Variants in ACACA observed in about 807,000 individuals in gnomAD.
ACACA encodes the protein acetyl-CoA carboxylase alpha.
A neutral mutation model predicts 296.1 loss-of-function variants in ACACA; 103 were observed. That is an observed-to-expected ratio of 0.35 (90% CI 0.30 to 0.41). The LOEUF (loss-of-function observed/expected upper bound fraction) is 0.41. ACACA is among the 10% of genes least tolerant of loss of function. ACACA has a pLI of 1.00. For synonymous variants in ACACA, 953 were observed against 1,038.6 expected, an observed-to-expected ratio of 0.92 and a Z score of 1.58; for missense variants, 1,554 against 2,989.7, an observed-to-expected ratio of 0.52 and a Z score of 11.20.
At chr17:37,385,229 T>C (rs751584039) in intron 1 of ACACA, among the ~76,000 whole-genome samples, 3 of 152,124 alleles carry the variant, frequency 2.0e-5, no homozygotes, top group Admixed American at 6.6e-5. Flanking sequence ...CCCAGCACTT[T>C]GGGAGGCCGA....
intron 3 of ACACA, among the ~76,000 whole-genome samples, chr17:37,297,470 CAT>C (rs1184592675): frequency 1.3e-5 from 2 of 149,842 alleles, no homozygotes; most frequent in East Asian, 2.0e-4. Context: ...ACCACACACA[CAT>C]GCGTGTGTGT....
At chr17:37,105,727 G>C (rs1190094849) in intron 52 of ACACA, among the ~76,000 whole-genome samples, 2 of 151,666 alleles carry the variant, frequency 1.3e-5, no homozygotes, top group Non-Finnish European at 1.5e-5. Flanking sequence ...AGTCGGGCAT[G>C]GTGGTGCATG....
At chr17:37,206,012 G>T in intron 32 of ACACA, 140 bp from the exon 33 acceptor site, 1 of 723,908 alleles carries the variant, frequency 1.4e-6, no homozygotes, top group Non-Finnish European at 2.4e-6. Flanking sequence ...GTAGGAATGA[G>T]CAAATTGAAA....
intron 1 of ACACA, chr17:37,389,321 C>G: frequency 6.3e-7 from 1 of 1,595,524 alleles, no homozygotes; most frequent in Middle Eastern, 1.7e-4. Flanking sequence ...AGGCCAGCCA[C>G]CTGGGACAGC....
chr17:37,351,099 C>T (rs997876695), intron 1 of ACACA, among the ~76,000 whole-genome samples: 51 of 152,176 alleles, frequency 3.4e-4, no homozygotes, highest in African/African-American at 1.2e-3. Flanking sequence ...GAGATCGCAC[C>T]GCTGCACTCC....
At chr17:37,127,527 TAA>T (rs1597899317) in intron 47 of ACACA, among the ~76,000 whole-genome samples, 1 of 152,176 alleles carries the variant, frequency 6.6e-6, no homozygotes, top group South Asian at 2.1e-4. Flanking sequence ...ATTCTAGAAG[TAA>T]AGAGGCTCAC....
At chr17:37,166,955 T>G (rs760378721) in intron 41 of ACACA, among the ~76,000 whole-genome samples, 2 of 152,074 alleles carry the variant, frequency 1.3e-5, no homozygotes, top group Non-Finnish European at 1.5e-5. Context: ...TTTACTTATT[T>G]TTTTTTTGAG....
At chr17:37,162,181 C>G (rs2076487417) in intron 41 of ACACA, 131 bp from the exon 42 acceptor site, 2 of 968,466 alleles carry the variant, frequency 2.1e-6, no homozygotes, top group Non-Finnish European at 3.2e-6. Flanking sequence ...AAGAGCCAAA[C>G]TCCCTGTGGG....
At chr17:37,090,583 A>G (rs901531140) in intron 54 of ACACA, among the ~76,000 whole-genome samples, 3 of 152,160 alleles carry the variant, frequency 2.0e-5, no homozygotes, top group African/African-American at 7.2e-5. Flanking sequence ...TAGGACTCCC[A>G]GCATCTCTCA....
intron 1 of ACACA, chr17:37,386,068 A>C (rs541668762): frequency 6.2e-7 from 1 of 1,606,496 alleles, no homozygotes. Context: ...GACTTTTCCC[A>C]CCACTGCCCC....
intron 3 of ACACA, among the ~76,000 whole-genome samples, chr17:37,304,600 C>T (rs1341601096): frequency 6.6e-6 from 1 of 152,082 alleles, no homozygotes; most frequent in Non-Finnish European, 1.5e-5. Context: ...TCGAGACCAG[C>T]CTGACCAACG....
chr17:37,324,076 C>CA (rs1248063875), intron 3 of ACACA, among the ~76,000 whole-genome samples: 1 of 151,526 alleles, frequency 6.6e-6, no homozygotes, highest in African/African-American at 2.4e-5. Flanking sequence ...ACTAAAAATG[C>CA]AAAAAATTAG....
intron 54 of ACACA, among the ~76,000 whole-genome samples, chr17:37,094,584 C>CA (rs2072867719): frequency 2.2e-5 from 3 of 138,320 alleles, no homozygotes; most frequent in Admixed American, 1.4e-4. Context: ...CCCCCCCCCC[C>CA]CACACCAAAC....
intron 43 of ACACA, among the ~76,000 whole-genome samples, chr17:37,152,757 G>A (rs1043747548): frequency 1.5e-4 from 23 of 152,170 alleles, no homozygotes; most frequent in African/African-American, 5.5e-4. Context: ...ATTGTTCCAC[G>A]TGTACCCAGA....
chr17:37,171,756 GA>G (rs1291761169), intron 41 of ACACA, among the ~76,000 whole-genome samples: 4 of 152,128 alleles, frequency 2.6e-5, no homozygotes, highest in African/African-American at 4.8e-5. Context: ...TAACAATTTT[GA>G]ACAGGGAAAT....
intron 39 of ACACA, among the ~76,000 whole-genome samples, chr17:37,181,581 TCTCA>T (rs1461905605): frequency 6.6e-6 from 1 of 151,892 alleles, no homozygotes; most frequent in Admixed American, 6.6e-5. Flanking sequence ...CCATAACTGC[TCTCA>T]CTTTTAGATT....
chr17:37,241,204 T>TAAAC, intron 23 of ACACA, among the ~76,000 whole-genome samples: 1 of 144,758 alleles, frequency 6.9e-6, no homozygotes, highest in East Asian at 2.2e-4. Context: ...CCAAAAAAAA[T>TAAAC]AAATAAATAA....
intron 1 of ACACA, among the ~76,000 whole-genome samples, chr17:37,396,635 T>C (rs1405200105): frequency 1.3e-5 from 2 of 152,302 alleles, no homozygotes; most frequent in Non-Finnish European, 2.9e-5. Flanking sequence ...GATTCTGACC[T>C]AGAGCACTTT....
intron 1 of ACACA, among the ~76,000 whole-genome samples, chr17:37,355,783 G>A (rs1411965393): frequency 3.9e-5 from 6 of 152,068 alleles, no homozygotes; most frequent in South Asian, 2.1e-4. Flanking sequence ...GCTTGAACCC[G>A]GGAGGCGGAG....
Sources: gnomAD v4.1 joint callset for allele counts (sites outside exome capture counted in the v4.1 genomes callset) on GRCh38, gnomAD v4.1.1 for gene constraint, MANE v1.5 for transcripts, NCBI Gene and HGNC (gene_info 2026-07-23, HGNC 2026-07-21) for gene names.